The following ZSCAN20 variants were observed in gnomAD, a reference collection of about 807,000 sequenced individuals.
ZSCAN20 encodes zinc finger and SCAN domain-containing protein 20.
In ZSCAN20, 39 loss-of-function variants were observed where a neutral mutation model predicts 97.1. The observed-to-expected ratio is 0.40, with a 90% CI of 0.31 to 0.52. The LOEUF (loss-of-function observed/expected upper bound fraction) is 0.52. Ranked by LOEUF, ZSCAN20 falls within the 20% of genes least tolerant of loss-of-function variation. The pLI is 0.49. For synonymous variants in ZSCAN20, 456 were observed against 467.3 expected (o/e 0.98, Z 0.31); for missense variants, 1,115 against 1,290.4 (o/e 0.86, Z 2.08).
chr1:33,483,676 G>GAA (rs57834372), intron 2 of ZSCAN20, among the ~76,000 whole-genome samples: 1,630 of 140,956 alleles, frequency 0.012, 8 homozygotes, highest in Middle Eastern at 0.015. Context: ...CATTGCTATT[G>GAA]AAAAAAAAAA....
chr1:33,487,168 G>GA (rs1187085722), intron 2 of ZSCAN20, among the ~76,000 whole-genome samples: 2 of 152,204 alleles, frequency 1.3e-5, no homozygotes, highest in Non-Finnish European at 2.9e-5. Context: ...GAGGGGAAAA[G>GA]AACGGGGTCG....
chr1:33,489,220 G>A (rs779595723), intron 4 of ZSCAN20, 29 bp downstream of exon 4: 1 of 1,604,008 alleles, frequency 6.2e-7, no homozygotes, highest in African/African-American at 1.3e-5. Context: ...TTCCTTTCCT[G>A]TCATTGCTGC....
At position 33,497,404 on chromosome 1, in the gene ZSCAN20, G is replaced by A. The variant is rs989096466; in HGVS notation, c.*1928G>A. 1.3e-5 allele frequency among the ~76,000 whole-genome samples: 2 copies of A among 152,204 alleles called. No homozygotes were observed. Among genetic ancestry groups the A allele is most frequent in the Non-Finnish European group, 2.9e-5 (2 of 68,032 alleles). ...TGTGAGCTGAGAGGAAGGATCCTGA[G>A]GTGAGGGAGAGGGAGGGAATTCCAG... On this transcript the variant is annotated 3_prime_UTR_variant, in exon 8 of 8. Coordinates refer to ENST00000684572, the MANE Select transcript of ZSCAN20 (RefSeq NM_001377376.1).
At position 33,479,235 on chromosome 1, in the gene ZSCAN20, A is replaced by C; in HGVS notation, c.-54A>C. 1 of 1,525,992 alleles carries C rather than the reference A, an allele frequency of 6.6e-7. No homozygotes were observed. The highest frequency in any genetic ancestry group is 8.8e-7 in the Non-Finnish European group (1 of 1,133,440). 94.5% of individuals were successfully genotyped at this position (1,525,992 alleles called of 1,614,324 possible). ...CTCTTGAAGGACTCACCGTAGATGC[A>C]GGAAGACATTGGATGAGGTCAGCAT... is the stretch of plus-strand genomic sequence containing the variant. On this transcript the variant is annotated 5_prime_UTR_variant, in exon 2 of 8. Transcript: ENST00000684572.
In ZSCAN20 at chr1:33,493,876, T is replaced by C. The variant is rs181485863; in HGVS notation, c.1873+261T>C. On this transcript the variant is annotated intron_variant, in intron 7 of 7. Transcript: ENST00000684572. The surrounding 1 kb of genome is among the most constrained non-coding windows in gnomAD (Gnocchi z 4.3). ...TCAATCCAGTATGACACAGGATATA[T>C]GGAATGTACTAGAAGAAGGAGGTGT... Among the ~76,000 whole-genome samples, 2 of 152,284 alleles carry C rather than the reference T, an allele frequency of 1.3e-5. No individual in the cohort carries two copies. The highest frequency in any genetic ancestry group is 1.9e-4 in the East Asian group (1 of 5,174).
rs545941843 is a variant in ZSCAN20, at chr1:33,498,750, C to T, written c.*3274C>T. Among the ~76,000 whole-genome samples the T allele has an allele frequency of 2.0e-5, 3 of 152,280 alleles. No homozygotes were observed. Among genetic ancestry groups the T allele is most frequent in the South Asian group, 2.1e-4 (1 of 4,820 alleles). The stretch of plus-strand genomic sequence containing the variant: ...TCATGTGAGCTGCTAAAGGCAGGAT[C>T]GTCTCCCCAGATGGCTGCCTCCCCT... On this transcript the variant is annotated 3_prime_UTR_variant, in exon 8 of 8. Transcript: ENST00000684572.
rs191405831 is a variant in ZSCAN20, at chr1:33,493,799, A to C, written c.1873+184A>C. 2.6e-5 allele frequency among the ~76,000 whole-genome samples: 4 copies of C among 152,370 alleles called. No individual in the cohort carries two copies. The East Asian group carries it at 7.7e-4, about 29-fold the overall frequency. On this transcript the variant is annotated intron_variant, in intron 7 of 7. Transcript: ENST00000684572. The surrounding 1 kb of genome is among the most constrained non-coding windows in gnomAD (Gnocchi z 4.3). ...GTGTGATCCCCCGAATCAGTCAGTCAGTCAGTCATTCTATCTTTTACTAGG... is the reference window on the plus strand; with the variant it reads ...GTGTGATCCCCCGAATCAGTCAGTCCGTCAGTCATTCTATCTTTTACTAGG...
rs1170045052 is a variant in ZSCAN20, at chr1:33,495,217, C to T, written c.2873C>T (p.Pro958Leu). 6.2e-7 allele frequency: 1 copy of T among 1,613,794 alleles called. No individual in the cohort carries two copies. Among genetic ancestry groups the T allele is most frequent in the Admixed American group, 1.7e-5 (1 of 59,992 alleles). Reference sequence around the variant, plus strand: ...CAGAGAGTGCACACAGGAGAGAAGCCCTACAAATGCCTTGAGTGTGGAAAA... The same window carrying T: ...CAGAGAGTGCACACAGGAGAGAAGCTCTACAAATGCCTTGAGTGTGGAAAA... ...THQRVHTGEKPYKCLECGKFF... is the reference protein window; with the variant it reads ...THQRVHTGEKLYKCLECGKFF... The change falls in exon 8 of 8, where the codon CCC (proline) becomes CTC (leucine). Residue 958 changes from proline to leucine, a missense_variant. This residue lies in a region of ZSCAN20 where 554 missense variants were observed against 584.9 expected (regional missense o/e 0.95). Transcript: ENST00000684572.
At chr1:33,480,095 T>A (rs990910725) in intron 2 of ZSCAN20, among the ~76,000 whole-genome samples, 1 of 152,200 alleles carries the variant, frequency 6.6e-6, no homozygotes, top group African/African-American at 2.4e-5. Flanking sequence ...ACAATATGAT[T>A]AACTCGTGTT....
In ZSCAN20 at chr1:33,496,640, A is replaced by T. The variant is rs1270280030; in HGVS notation, c.*1164A>T. The T allele has an allele frequency of 6.6e-6, 1 of 152,196 alleles. No homozygotes were observed. The highest frequency in any genetic ancestry group is 2.4e-5 in the African/African-American group (1 of 41,444). The allele number at this position is 152,196 out of a possible 1,614,324, so 9.4% of individuals were successfully genotyped here. ...GCTGATCATAGGTTAACCCTAACAG[A>T]AGCCTGGGGTCCCTACATTTTTGTC... On this transcript the variant is annotated 3_prime_UTR_variant, in exon 8 of 8. Transcript: ENST00000684572.
chr1:33,477,376 G>C (rs564391587), intron 1 of ZSCAN20, among the ~76,000 whole-genome samples: 1 of 152,212 alleles, frequency 6.6e-6, no homozygotes, highest in East Asian at 1.9e-4. Context: ...TCTCAATTCA[G>C]TTGTGTCATT....
Position 33,494,304 on chromosome 1 carries a change from A to G in ZSCAN20, c.1960A>G (p.Thr654Ala), listed in dbSNP as rs915296024. 3.7e-6 allele frequency: 6 copies of G among 1,614,076 alleles called. No homozygotes were observed. The African/African-American group carries it at 5.3e-5, about 14-fold the overall frequency. The change falls in exon 8 of 8, where the codon ACA (threonine) becomes GCA (alanine). Residue 654 changes from threonine (T) to alanine (A), a missense_variant. Physicochemically the swap from Thr to Ala is moderately conservative, Grantham distance 58 (BLOSUM62 0). Around this residue, in one of 3 missense-constraint regions of ZSCAN20, gnomAD observed 554 missense variants for 584.9 expected, o/e 0.95. Coordinates refer to ENST00000684572, the MANE Select transcript of ZSCAN20 (RefSeq NM_001377376.1). ...GLPGALSKCP[T>A]EAVCQPLDWG... Reference sequence around the variant, plus strand: ...GCCTGGAGCCTTATCAAAATGTCCTACAGAAGCTGTTTGCCAACCTCTTGA... The same window carrying G: ...GCCTGGAGCCTTATCAAAATGTCCTGCAGAAGCTGTTTGCCAACCTCTTGA...
Position 33,491,631 on chromosome 1 carries a change from G to A in ZSCAN20, c.1373G>A (p.Gly458Asp), listed in dbSNP as rs777209762. ...EEMAEDCNGA[G>D]LVNVESTQGP... Reference sequence around the variant, plus strand: ...ATGGCAGAAGACTGTAACGGTGCTGGCCTGGTCAATGTTGAGTCTACCCAG... The same window carrying A: ...ATGGCAGAAGACTGTAACGGTGCTGACCTGGTCAATGTTGAGTCTACCCAG... Residue 458 changes from glycine (G) to aspartate (D), a missense_variant, in exon 6 of 8, where the codon GGC (glycine) becomes GAC (aspartate). Gly to Asp is a moderately conservative substitution (Grantham distance 94). Transcript: ENST00000684572. This position sits in a 1 kb window ranked among gnomAD's most constrained non-coding sequence, Gnocchi z 4.3. The A allele has an allele frequency of 1.9e-6, 3 of 1,614,020 alleles. No individual in the cohort carries two copies. The highest frequency in any genetic ancestry group is 4.5e-5 in the East Asian group (2 of 44,894).
At chr1:33,479,813 A>T in intron 2 of ZSCAN20, 108 bp downstream of exon 2, 4 of 1,187,150 alleles carry the variant, frequency 3.4e-6, no homozygotes, top group Non-Finnish European at 4.6e-6. Context: ...ATAGTTATTG[A>T]GAACTGACAC....
At chr1:33,476,916 A>G (rs1188974856) in intron 1 of ZSCAN20, among the ~76,000 whole-genome samples, 1 of 152,212 alleles carries the variant, frequency 6.6e-6, no homozygotes, top group Non-Finnish European at 1.5e-5. Flanking sequence ...ATTTTAATAC[A>G]TGGTAATAAA....
At chr1:33,482,066 A>G (rs1652176288) in intron 2 of ZSCAN20, among the ~76,000 whole-genome samples, 2 of 152,192 alleles carry the variant, frequency 1.3e-5, no homozygotes, top group South Asian at 4.1e-4. Context: ...GTAGCAGTTT[A>G]TGTTAGGGCT....
intron 6 of ZSCAN20, chr1:33,492,335 G>A (rs1652653315): frequency 6.6e-6 from 1 of 152,242 alleles, no homozygotes; most frequent in Non-Finnish European, 1.5e-5. Context: ...TCACTTTCCT[G>A]CAGAGGAGCT....
chr1:33,489,414 G>T, intron 4 of ZSCAN20, 104 bp from the exon 5 acceptor site: 1 of 1,184,334 alleles, frequency 8.4e-7, no homozygotes. Context: ...CTTCACACAT[G>T]GTATCCCTCT....
At position 33,501,064 on chromosome 1, in the gene ZSCAN20, C is replaced by T. The variant is rs1214151037; in HGVS notation, c.*5588C>T. On this transcript the variant is annotated 3_prime_UTR_variant, in exon 8 of 8. Coordinates refer to ENST00000684572, the MANE Select transcript of ZSCAN20 (RefSeq NM_001377376.1). ...GAAGTGGTGGTGAGACACTTTGAAA[C>T]CCTCCACTGCAGACTTCACCCAGGG... Among the ~76,000 whole-genome samples, 1 of 152,096 alleles carries T rather than the reference C, an allele frequency of 6.6e-6. No individual in the cohort carries two copies. The highest frequency in any genetic ancestry group is 1.5e-5 in the Non-Finnish European group (1 of 68,022).
Sources: gnomAD v4.1 joint callset for allele counts (sites outside exome capture counted in the v4.1 genomes callset) on GRCh38, gnomAD v4.1.1 for gene constraint, gnomAD v4.1.1 regional missense constraint, Gnocchi (gnomAD v3.1) non-coding constraint, MANE v1.5 for transcripts, NCBI Gene and HGNC (gene_info 2026-07-23, HGNC 2026-07-21) for gene names.